THSD7B: variants seen among roughly 807,000 people sequenced by gnomAD.
THSD7B encodes the protein thrombospondin type 1 domain containing 7B.
Under a neutral mutation model 213.6 loss-of-function variants are expected in THSD7B, and 138 were observed. That is an observed-to-expected ratio of 0.65 (90% CI 0.56 to 0.74). THSD7B has a LOEUF of 0.74. THSD7B is among the 30% of genes least tolerant of loss of function. The pLI is 0.00. For synonymous variants in THSD7B, 742 were observed against 687.0 expected, an observed-to-expected ratio of 1.08 and a Z score of -1.25; for missense variants, 1,931 against 1,991.5, an observed-to-expected ratio of 0.97 and a Z score of 0.58.
intron 12 of THSD7B, among the ~76,000 whole-genome samples, chr2:137,307,795 TG>T (rs1645993978): frequency 6.6e-6 from 1 of 152,124 alleles, no homozygotes. Context: ...TAGATTAGCA[TG>T]TATTTCAGGA....
chr2:136,831,487 G>A (rs895652111), intron 1 of THSD7B, among the ~76,000 whole-genome samples: 2 of 152,144 alleles, frequency 1.3e-5, no homozygotes, highest in African/African-American at 4.8e-5. Context: ...GAGGCATTGT[G>A]TCTTTGGTAG....
intron 15 of THSD7B, among the ~76,000 whole-genome samples, chr2:137,462,178 A>G (rs1218246999): frequency 6.6e-6 from 1 of 152,014 alleles, no homozygotes. Flanking sequence ...TGGGACATGA[A>G]ACATCCCTTT....
chr2:137,304,071 C>T (rs1683680439), intron 12 of THSD7B, among the ~76,000 whole-genome samples: 1 of 151,648 alleles, frequency 6.6e-6, no homozygotes, highest in African/African-American at 2.4e-5. Flanking sequence ...GTTTTCTGTT[C>T]CTGTGTTAGT....
chr2:137,618,508 G>A lies in THSD7B; in HGVS notation c.3681+1G>A. ...AGTCAGCATGGACCAATGTGAGCAG[G>A]TACTGTGTTTATATTCATATCTCAC... On this transcript the variant is annotated splice_donor_variant, in intron 19 of 27. Transcript: ENST00000409968. LOFTEE classifies it high-confidence loss of function. 2 of 1,613,096 alleles carry A rather than the reference G, an allele frequency of 1.2e-6. No homozygotes were observed. Among genetic ancestry groups the A allele is most frequent in the South Asian group, 2.2e-5 (2 of 90,934 alleles).
intron 17 of THSD7B, among the ~76,000 whole-genome samples, chr2:137,582,614 T>C (rs1681606714): frequency 6.6e-6 from 1 of 151,948 alleles, no homozygotes; most frequent in African/African-American, 2.4e-5. Context: ...CTTGTGATAG[T>C]TTGCTGAGGA....
intron 7 of THSD7B, among the ~76,000 whole-genome samples, chr2:137,175,819 G>C (rs1380417246): frequency 6.6e-6 from 1 of 152,028 alleles, no homozygotes; most frequent in African/African-American, 2.4e-5. Flanking sequence ...GTTTTGTTTT[G>C]TTTGTTTGTT....
intron 1 of THSD7B, among the ~76,000 whole-genome samples, chr2:136,786,737 C>T (rs993492656): frequency 1.3e-5 from 2 of 152,108 alleles, no homozygotes; most frequent in Non-Finnish European, 2.9e-5. Flanking sequence ...TGTGCAGTTA[C>T]GTGTTTCCCC....
chr2:136,971,501 A>C (rs939675068), intron 2 of THSD7B, among the ~76,000 whole-genome samples: 3 of 152,140 alleles, frequency 2.0e-5, no homozygotes, highest in Non-Finnish European at 4.4e-5. Flanking sequence ...CAATCTAAGC[A>C]AATAAAAAAG....
chr2:136,820,469 A>G (rs956753910), intron 1 of THSD7B, among the ~76,000 whole-genome samples: 1 of 152,224 alleles, frequency 6.6e-6, no homozygotes. Flanking sequence ...GAAACATGAG[A>G]ATACATCAGA....
At chr2:137,656,188 G>A (rs1683233323) in intron 22 of THSD7B, among the ~76,000 whole-genome samples, 1 of 152,078 alleles carries the variant, frequency 6.6e-6, no homozygotes, top group African/African-American at 2.4e-5. Context: ...ACACAACATA[G>A]TTTGTATGGC....
chr2:137,489,738 A>G (rs571335421), intron 15 of THSD7B, among the ~76,000 whole-genome samples: 1 of 152,308 alleles, frequency 6.6e-6, no homozygotes, highest in East Asian at 1.9e-4. Flanking sequence ...CACACACACA[A>G]ATACACATTC....
chr2:137,633,748 G>T (rs1406481602), intron 20 of THSD7B, among the ~76,000 whole-genome samples: 4 of 152,124 alleles, frequency 2.6e-5, no homozygotes, highest in Non-Finnish European at 4.4e-5. Context: ...AGGGGCAGGA[G>T]AGTGAAGAAA....
chr2:137,276,076 T>A, intron 12 of THSD7B, 50 bp downstream of exon 12: 1 of 1,331,698 alleles, frequency 7.5e-7, no homozygotes, highest in Non-Finnish European at 1.1e-6. Flanking sequence ...AAGTTAACAT[T>A]ATGTAACTCA....
chr2:137,481,096 C>T (rs372831088), intron 15 of THSD7B, among the ~76,000 whole-genome samples: 22 of 152,320 alleles, frequency 1.4e-4, no homozygotes, highest in African/African-American at 5.1e-4. Flanking sequence ...AGAGAACGAC[C>T]TTTATCAGAC....
chr2:137,507,653 T>C (rs1192833764), intron 15 of THSD7B, among the ~76,000 whole-genome samples: 1 of 152,222 alleles, frequency 6.6e-6, no homozygotes, highest in Non-Finnish European at 1.5e-5. Context: ...GAATTTTTCT[T>C]ACTATGTTTA....
intron 2 of THSD7B, among the ~76,000 whole-genome samples, chr2:136,920,289 G>A (rs1421000624): frequency 2.0e-5 from 3 of 152,206 alleles, no homozygotes; most frequent in Non-Finnish European, 2.9e-5. Flanking sequence ...TCCTTCCACA[G>A]GCAGGTCGTC....
At chr2:136,940,822 G>A (rs915752191) in intron 2 of THSD7B, among the ~76,000 whole-genome samples, 1 of 143,498 alleles carries the variant, frequency 7.0e-6, no homozygotes, top group Non-Finnish European at 1.5e-5. Flanking sequence ...TTTTGTAGGT[G>A]TTCTTTATCA....
Position 136,853,033 on chromosome 2 carries a change from TGTGC to T in THSD7B, c.-35-29110_-35-29107del, listed in dbSNP as rs1683125052. Among the ~76,000 whole-genome samples, 13 of 152,036 alleles carry T rather than the reference TGTGC, an allele frequency of 8.6e-5. 1 individual carries two copies. In the South Asian group the frequency reaches 2.7e-3, roughly 32 times the overall value. ...TCCCACCACTTTGCATGTGTGTGTG[TGTGC>T]ATGTGTGTGTGTGCATGTGCATGTG... is the stretch of plus-strand genomic sequence containing the variant. On this transcript the variant is annotated intron_variant, in intron 1 of 27. Transcript: ENST00000409968.
chr2:136,942,173 T>C (rs979369774), intron 2 of THSD7B, among the ~76,000 whole-genome samples: 26 of 152,238 alleles, frequency 1.7e-4, no homozygotes, highest in Non-Finnish European at 2.8e-4. Context: ...GTGGTGTTAT[T>C]TCTGAGTCCT....
Sources: allele counts gnomAD v4.1 joint callset (sites outside exome capture counted in the v4.1 genomes callset), GRCh38; gene constraint gnomAD v4.1.1; transcripts MANE v1.5; gene names NCBI Gene and HGNC (gene_info 2026-07-23, HGNC 2026-07-21).